CNGB3: variants seen among roughly 807,000 people sequenced by gnomAD.
The protein encoded by CNGB3 is cyclic nucleotide gated channel subunit beta 3, also known as cyclic nucleotide-gated channel beta-3.
Under a neutral mutation model 92.8 loss-of-function variants are expected in CNGB3, and 86 were observed. That is an observed-to-expected ratio of 0.93 (90% CI 0.78 to 1.11). The LOEUF (loss-of-function observed/expected upper bound fraction) is 1.11, where lower values mean the gene tolerates loss of function less well. Ranked by LOEUF, CNGB3 falls within the 50% of genes least tolerant of loss-of-function variation. The pLI, the probability that CNGB3 is intolerant of heterozygous loss-of-function variation, is 0.00. For missense variants in CNGB3, 1,026 were observed against 956.8 expected, an observed-to-expected ratio of 1.07 and a Z score of -0.95; for synonymous variants, 333 against 332.7, an observed-to-expected ratio of 1.00 and a Z score of -0.01.
chr8:86,603,225 C>T (rs28505050), intron 15 of CNGB3, among the ~76,000 whole-genome samples: 32,937 of 152,026 alleles, frequency 0.22, 5,388 homozygotes, highest in African/African-American at 0.46. Flanking sequence ...TATTTATTAT[C>T]AGTTTTCCCT....
intron 2 of CNGB3, among the ~76,000 whole-genome samples, chr8:86,732,560 C>T (rs1007024766): frequency 1.3e-5 from 2 of 152,166 alleles, no homozygotes; most frequent in South Asian, 4.1e-4. Flanking sequence ...AGTCTGAAAG[C>T]CTCCCCTGAA....
At chr8:86,589,552 T>C (rs1563717264) in intron 15 of CNGB3, among the ~76,000 whole-genome samples, 1 of 152,174 alleles carries the variant, frequency 6.6e-6, no homozygotes, top group Non-Finnish European at 1.5e-5. Flanking sequence ...TTGTTCTCGT[T>C]GGTTTCAAAG....
At chr8:86,727,570 T>C (rs188463484) in intron 2 of CNGB3, among the ~76,000 whole-genome samples, 1 of 152,108 alleles carries the variant, frequency 6.6e-6, no homozygotes, top group Admixed American at 6.5e-5. Flanking sequence ...CTAATTAATA[T>C]AGTTTAAATT....
chr8:86,607,128 A>G (rs1822426641), intron 14 of CNGB3, among the ~76,000 whole-genome samples: 2 of 152,258 alleles, frequency 1.3e-5, no homozygotes, highest in African/African-American at 4.8e-5. Flanking sequence ...ACTTAAATAC[A>G]GTTCAGCTCT....
Position 86,579,226 on chromosome 8 carries a change from C to T in CNGB3, c.1808G>A (p.Arg603His), listed in dbSNP as rs747454175. 29 of 1,613,988 alleles carry T rather than the reference C, an allele frequency of 1.8e-5. No homozygotes were observed. In the East Asian group the frequency reaches 2.5e-4, roughly 14 times the overall value. The change falls in exon 16 of 18, where the codon CGT becomes CAT. Residue 603 changes from arginine to histidine, a missense_variant. Arg to His is a conservative substitution (Grantham distance 29). Transcript: ENST00000320005. Reference protein sequence around the residue: ...ISLLAAGGGNRRTANVVAHGF... With the variant: ...ISLLAAGGGNHRTANVVAHGF... Reference sequence around the variant, plus strand: ...GTGGGCCACCACATTGGCAGTTCGACGGTTTCCTCCTCCTGCTGCTAGAAG... The same window carrying T: ...GTGGGCCACCACATTGGCAGTTCGATGGTTTCCTCCTCCTGCTGCTAGAAG...
chr8:86,664,973 G>A (rs996176152), intron 6 of CNGB3, among the ~76,000 whole-genome samples: 1 of 152,134 alleles, frequency 6.6e-6, no homozygotes, highest in African/African-American at 2.4e-5. Flanking sequence ...CCAGACACAT[G>A]GTTGTTGAGT....
intron 3 of CNGB3, among the ~76,000 whole-genome samples, chr8:86,709,610 C>T (rs891891088): frequency 4.6e-5 from 7 of 151,984 alleles, no homozygotes; most frequent in African/African-American, 1.2e-4. Context: ...TTTATTGGTA[C>T]GGAATTATTA....
In CNGB3 at chr8:86,666,995, T is replaced by C. The variant is rs1233466909; in HGVS notation, c.782A>G (p.Asp261Gly). ...TAGCATATCATAAAGGTAGATGATA[T>C]CACATATGATGTCCGCAATAAGCCA... ...HYWLIADIIC[D>G]IIYLYDMLFI... The change falls in exon 6 of 18, where the codon GAT (aspartate) becomes GGT (glycine). Residue 261 changes from aspartate to glycine, a missense_variant. Transcript: ENST00000320005. 3 of 1,613,862 alleles carry C rather than the reference T, an allele frequency of 1.9e-6. No individual in the cohort carries two copies. The highest frequency in any genetic ancestry group is 1.7e-5 in the Admixed American group (1 of 60,006).
At chr8:86,629,201 C>A in intron 11 of CNGB3, 123 bp from the exon 12 acceptor site, 1 of 1,163,440 alleles carries the variant, frequency 8.6e-7, no homozygotes, top group Non-Finnish European at 1.3e-6. Flanking sequence ...TTTATTCATT[C>A]ATTCATTTTT....
chr8:86,584,572 T>C (rs1272109902), intron 15 of CNGB3, among the ~76,000 whole-genome samples: 2 of 26,620 alleles, frequency 7.5e-5, no homozygotes, highest in African/African-American at 1.3e-4. Context: ...AAATAGCATC[T>C]TTTTTTTTTT....
At chr8:86,724,324 A>T (rs981563359) in intron 3 of CNGB3, among the ~76,000 whole-genome samples, 1 of 152,130 alleles carries the variant, frequency 6.6e-6, no homozygotes, top group South Asian at 2.1e-4. Context: ...GCAATATGCT[A>T]CTGATTATTC....
intron 3 of CNGB3, among the ~76,000 whole-genome samples, chr8:86,717,703 GA>G (rs1426759356): frequency 6.6e-6 from 1 of 152,008 alleles, no homozygotes; most frequent in Non-Finnish European, 1.5e-5. Flanking sequence ...AACAACTGCA[GA>G]ATATACATTC....
At chr8:86,676,959 G>T (rs1823983285) in intron 3 of CNGB3, among the ~76,000 whole-genome samples, 1 of 152,140 alleles carries the variant, frequency 6.6e-6, no homozygotes, top group Non-Finnish European at 1.5e-5. Context: ...GTACACTGAT[G>T]ATGAATAAAT....
intron 1 of CNGB3, 67 bp downstream of exon 1, chr8:86,743,432 A>C: frequency 6.3e-7 from 1 of 1,583,474 alleles, no homozygotes; most frequent in Non-Finnish European, 8.7e-7. Context: ...CGTAGCAGTG[A>C]TTAAATGCTA....
chr8:86,686,351 T>A (rs1401829896), intron 3 of CNGB3, among the ~76,000 whole-genome samples: 1 of 152,072 alleles, frequency 6.6e-6, no homozygotes, highest in Non-Finnish European at 1.5e-5. Context: ...AGTACAGATC[T>A]GGGATGTGCA....
intron 15 of CNGB3, among the ~76,000 whole-genome samples, chr8:86,594,910 G>T (rs961275067): frequency 6.6e-6 from 1 of 152,016 alleles, no homozygotes; most frequent in African/African-American, 2.4e-5. Flanking sequence ...TTTAAGTAGA[G>T]ACAGGGTTTC....
intron 10 of CNGB3, among the ~76,000 whole-genome samples, chr8:86,634,554 C>G (rs966880575): frequency 6.6e-6 from 1 of 152,042 alleles, no homozygotes; most frequent in Non-Finnish European, 1.5e-5. Context: ...TGGTCTGTAT[C>G]AAGCATTTCC....
intron 15 of CNGB3, among the ~76,000 whole-genome samples, chr8:86,591,005 A>G (rs1563717866): frequency 6.6e-6 from 1 of 152,062 alleles, no homozygotes; most frequent in Non-Finnish European, 1.5e-5. Context: ...GTCTTTTCAC[A>G]TAGTCCCATA....
intron 15 of CNGB3, among the ~76,000 whole-genome samples, chr8:86,592,645 T>G (rs184631782): frequency 6.6e-6 from 1 of 152,322 alleles, no homozygotes; most frequent in African/African-American, 2.4e-5. Context: ...AATGAAAATA[T>G]TTCCTAAAAT....
Sources: gnomAD v4.1 joint callset for allele counts (sites outside exome capture counted in the v4.1 genomes callset) on GRCh38, gnomAD v4.1.1 for gene constraint, MANE v1.5 for transcripts, NCBI Gene and HGNC (gene_info 2026-07-23, HGNC 2026-07-21) for gene names.